The following ERG variants were observed in gnomAD, a reference collection of about 807,000 sequenced individuals.
ERG encodes transcriptional regulator ERG.
ERG carries 9 observed loss-of-function variants against 55.3 expected under a neutral mutation model. The ratio of observed to expected loss-of-function variants is 0.16; its 90% CI spans 0.10 to 0.28. The LOEUF (loss-of-function observed/expected upper bound fraction) is 0.28. Ranked by LOEUF, ERG falls within the 10% of genes least tolerant of loss-of-function variation. ERG has a pLI of 1.00. For missense variants in ERG, 434 were observed against 631.6 expected, an observed-to-expected ratio of 0.69 and a Z score of 3.35; for synonymous variants, 223 against 237.3, an observed-to-expected ratio of 0.94 and a Z score of 0.55.
At chr21:38,650,047 G>A (rs1366737644) in intron 1 of ERG, among the ~76,000 whole-genome samples, 1 of 152,150 alleles carries the variant, frequency 6.6e-6, no homozygotes, top group African/African-American at 2.4e-5. Context: ...ATTCAATATG[G>A]TGATTAGAGT....
chr21:38,433,810 T>C (rs1990332474), intron 2 of ERG, among the ~76,000 whole-genome samples: 1 of 152,190 alleles, frequency 6.6e-6, no homozygotes, highest in South Asian at 2.1e-4. Context: ...CAAGTCAGAA[T>C]GTAATTGCGG....
intron 1 of ERG, among the ~76,000 whole-genome samples, chr21:38,459,902 C>G (rs57601009): frequency 1.2e-4 from 19 of 152,114 alleles, no homozygotes; most frequent in Admixed American, 1.0e-3. Context: ...AATTAATCAA[C>G]CAATAATTGA....
intron 1 of ERG, among the ~76,000 whole-genome samples, chr21:38,654,842 A>C (rs1312858711): frequency 6.6e-6 from 1 of 152,230 alleles, no homozygotes. Flanking sequence ...AACTTTGTGC[A>C]ATTATAGACC....
At chr21:38,546,260 T>A (rs948221330) in intron 2 of ERG, among the ~76,000 whole-genome samples, 6 of 152,210 alleles carry the variant, frequency 3.9e-5, no homozygotes, top group Admixed American at 6.5e-5. Flanking sequence ...TACTTCTTTT[T>A]ATCTTCCTCT....
intron 1 of ERG, among the ~76,000 whole-genome samples, chr21:38,623,645 C>T (rs574188814): frequency 1.2e-4 from 19 of 152,260 alleles, no homozygotes; most frequent in South Asian, 1.0e-3. Flanking sequence ...GGTAGCAGAG[C>T]GTGAGGTCCT....
intron 2 of ERG, among the ~76,000 whole-genome samples, chr21:38,544,914 G>A (rs983162204): frequency 6.6e-6 from 1 of 152,020 alleles, no homozygotes; most frequent in Non-Finnish European, 1.5e-5. Context: ...AGCTCACTGT[G>A]CTCTGACTAG....
intron 1 of ERG, among the ~76,000 whole-genome samples, chr21:38,580,067 G>T (rs962756326): frequency 6.6e-6 from 1 of 151,846 alleles, no homozygotes; most frequent in Non-Finnish European, 1.5e-5. Context: ...TGATCCACCC[G>T]CCTCGGCCTC....
intron 1 of ERG, among the ~76,000 whole-genome samples, chr21:38,582,808 G>A (rs936110485): frequency 4.6e-5 from 7 of 152,088 alleles, no homozygotes; most frequent in South Asian, 4.2e-4. Context: ...GCGCAGTGGC[G>A]CAATCTTGGC....
chr21:38,423,959 A>G (rs1989677636), intron 2 of ERG, among the ~76,000 whole-genome samples: 1 of 151,028 alleles, frequency 6.6e-6, no homozygotes, highest in South Asian at 2.1e-4. Flanking sequence ...CTGGCGACAG[A>G]GTAAGATTCC....
chr21:38,473,930 T>G (rs1428091497), intron 1 of ERG: 3 of 152,122 alleles, frequency 2.0e-5, no homozygotes, highest in Non-Finnish European at 4.4e-5. Flanking sequence ...TGTGTATATG[T>G]ATGTGTGTAT....
intron 6 of ERG, among the ~76,000 whole-genome samples, chr21:38,398,754 G>C (rs1451189541): frequency 6.6e-6 from 1 of 152,144 alleles, no homozygotes; most frequent in African/African-American, 2.4e-5. Flanking sequence ...TCTTAACCAG[G>C]TAGCATCAGT....
At chr21:38,500,833 T>C (rs1472390058), upstream of ERG, among the ~76,000 whole-genome samples, 4 of 152,170 alleles carry the variant, frequency 2.6e-5, no homozygotes, top group African/African-American at 9.7e-5. Context: ...AGTGATCTAA[T>C]AAAAAGTTAA....
Position 38,382,409 on chromosome 21 carries a change from G to C in ERG, c.*994C>G. ...AACAAAGCCCCCACATAATGATGAG[G>C]TCCTGAATGTTTCTCTTAAATATCA... is the stretch of plus-strand genomic sequence containing the variant. On this transcript the variant is annotated 3_prime_UTR_variant, in exon 10 of 10. Coordinates refer to ENST00000288319, the MANE Select transcript of ERG (RefSeq NM_182918.4). 9.4e-7 allele frequency: 1 copy of C among 1,060,714 alleles called. No homozygotes were observed. Among genetic ancestry groups the C allele is most frequent in the Non-Finnish European group, 1.1e-6 (1 of 876,132 alleles). 65.7% of individuals were successfully genotyped at this position (1,060,714 alleles called of 1,614,324 possible).
intron 1 of ERG, among the ~76,000 whole-genome samples, chr21:38,655,229 C>T (rs1458741935): frequency 6.6e-6 from 1 of 152,174 alleles, no homozygotes; most frequent in Non-Finnish European, 1.5e-5. Context: ...GTCACCCCCT[C>T]TTCCTCCCAC....
intron 9 of ERG, among the ~76,000 whole-genome samples, chr21:38,385,950 A>G (rs1211293715): frequency 6.6e-6 from 1 of 152,224 alleles, no homozygotes; most frequent in Non-Finnish European, 1.5e-5. Flanking sequence ...TTCAGCGTCA[A>G]CTTTCTCCCA....
At chr21:38,636,964 T>C (rs1407806106) in intron 1 of ERG, among the ~76,000 whole-genome samples, 1 of 152,114 alleles carries the variant, frequency 6.6e-6, no homozygotes, top group East Asian at 1.9e-4. Context: ...TCTTAACAAA[T>C]GGGAGACTTT....
intron 4 of ERG, 52 bp from the exon 5 acceptor site, chr21:38,402,689 GAGAA>G (rs1988555329): frequency 3.4e-6 from 2 of 595,542 alleles, no homozygotes; most frequent in South Asian, 3.5e-5. Flanking sequence ...AAGAGAGAGA[GAGAA>G]AGAGAATTAC....
At chr21:38,617,336 A>C (rs139484387) in intron 1 of ERG, among the ~76,000 whole-genome samples, 1,587 of 152,298 alleles carry the variant, frequency 0.01, 15 homozygotes, top group Non-Finnish European at 0.015. Flanking sequence ...CAACCATAAC[A>C]GATCCAAAAT....
chr21:38,423,390 T>C lies in ERG; in HGVS notation c.388+20A>G. 6.2e-7 allele frequency: 1 copy of C among 1,605,410 alleles called. No individual in the cohort carries two copies. The highest frequency in any genetic ancestry group is 8.5e-7 in the Non-Finnish European group (1 of 1,174,076). On this transcript the variant is annotated intron_variant, in intron 3 of 9. Transcript: ENST00000288319. ...GGAAGTTGCGATCTGCCGAGGGCAG[T>C]GAAGCTGTGGGCACCTGACCTGCTG...
Sources: allele counts gnomAD v4.1 joint callset (sites outside exome capture counted in the v4.1 genomes callset), GRCh38; gene constraint gnomAD v4.1.1; transcripts MANE v1.5; gene names NCBI Gene and HGNC (gene_info 2026-07-23, HGNC 2026-07-21).